VPS50: variants seen among roughly 807,000 people sequenced by gnomAD.
The protein encoded by VPS50 is syndetin.
A neutral mutation model predicts 139.7 loss-of-function variants in VPS50; 70 were observed. The observed-to-expected ratio is 0.50, with a 90% CI of 0.41 to 0.61. The LOEUF (loss-of-function observed/expected upper bound fraction) is 0.61. VPS50 is among the 20% of genes least tolerant of loss of function. VPS50 has a pLI of 0.00. For missense variants in VPS50, 921 were observed against 1,133.7 expected (o/e 0.81, Z 2.69); for synonymous variants, 365 against 376.7 (o/e 0.97, Z 0.36).
chr7:93,315,205 ATATCT>A (rs1229207375), intron 20 of VPS50, among the ~76,000 whole-genome samples: 4 of 152,122 alleles, frequency 2.6e-5, no homozygotes, highest in Non-Finnish European at 5.9e-5. Flanking sequence ...TACACTTAAA[ATATCT>A]TAATGTATTA....
At chr7:93,267,310 C>T (rs919061544) in intron 9 of VPS50, among the ~76,000 whole-genome samples, 1 of 152,124 alleles carries the variant, frequency 6.6e-6, no homozygotes, top group African/African-American at 2.4e-5. Context: ...CTGTCTTTAA[C>T]TCTTACTCAT....
At chr7:93,233,974 A>T (rs1794721318) in intron 1 of VPS50, among the ~76,000 whole-genome samples, 1 of 152,232 alleles carries the variant, frequency 6.6e-6, no homozygotes, top group African/African-American at 2.4e-5. Flanking sequence ...GATGGTGGGA[A>T]AGCAGGAAAA....
chr7:93,334,234 A>G, intron 22 of VPS50, 37 bp downstream of exon 22: 1 of 1,148,918 alleles, frequency 8.7e-7, no homozygotes, highest in East Asian at 2.3e-5. Flanking sequence ...TTTGGATTAT[A>G]TAAAATGGAA....
Position 93,237,211 on chromosome 7 carries a change from C to T in VPS50, c.34-2655C>T, listed in dbSNP as rs565421837. Among the ~76,000 whole-genome samples, 27 of 152,096 alleles carry T rather than the reference C, an allele frequency of 1.8e-4. No individual in the cohort carries two copies. The East Asian group carries it at 5.0e-3, about 28-fold the overall frequency. On this transcript the variant is annotated intron_variant, in intron 1 of 27. Transcript: ENST00000305866. ...GACCTCGTGATCCGCCCGCCTCGGC[C>T]TCCCAAAGTGCTGGGATTACAGGCG...
intron 20 of VPS50, among the ~76,000 whole-genome samples, chr7:93,317,387 TA>T (rs1797459191): frequency 6.6e-6 from 1 of 151,982 alleles, no homozygotes; most frequent in Admixed American, 6.6e-5. Flanking sequence ...TTGTCTCTAC[TA>T]AAAATACAAA....
At chr7:93,312,976 T>G (rs575037725) in intron 20 of VPS50, among the ~76,000 whole-genome samples, 1 of 152,356 alleles carries the variant, frequency 6.6e-6, no homozygotes, top group South Asian at 2.1e-4. Flanking sequence ...AAGCAACTGT[T>G]GGTGCATCAA....
rs141437560 is a variant in VPS50 at position 93,248,218 on chromosome 7, T to C, written c.103-4435T>C. ...ATTATAATTTTTTTCTTAAATCATA[T>C]GTTTAAGTATGGTGTAAGAAGTTCC... On this transcript the variant is annotated intron_variant, in intron 2 of 27. Transcript: ENST00000305866. 9.1e-4 allele frequency among the ~76,000 whole-genome samples: 138 copies of C among 152,096 alleles called. 1 individual carries two copies. Among genetic ancestry groups the C allele is most frequent in the African/African-American group, 3.1e-3 (127 of 41,562 alleles).
intron 18 of VPS50, among the ~76,000 whole-genome samples, chr7:93,307,274 T>G (rs1414697030): frequency 1.3e-5 from 2 of 151,922 alleles, no homozygotes; most frequent in African/African-American, 4.8e-5. Flanking sequence ...ATGAAGCTTA[T>G]CAGACACACA....
At chr7:93,271,190 GA>G (rs759306553) in intron 9 of VPS50, 29 bp from the exon 10 acceptor site, 7 of 1,533,934 alleles carry the variant, frequency 4.6e-6, no homozygotes, top group South Asian at 2.5e-5. Context: ...CTCAGAAATA[GA>G]AAAAAACTGT....
intron 9 of VPS50, among the ~76,000 whole-genome samples, chr7:93,269,543 T>C (rs1795943514): frequency 6.6e-6 from 1 of 152,112 alleles, no homozygotes; most frequent in Non-Finnish European, 1.5e-5. Context: ...GTTTGGACAT[T>C]TATCATTGAG....
At chr7:93,281,291 A>T (rs780776825) in intron 12 of VPS50, among the ~76,000 whole-genome samples, 8 of 152,170 alleles carry the variant, frequency 5.3e-5, no homozygotes, top group Non-Finnish European at 1.2e-4. Context: ...ATTTTTTGGG[A>T]GTCAACCAAT....
intron 8 of VPS50, among the ~76,000 whole-genome samples, chr7:93,259,101 T>G (rs536522754): frequency 6.6e-6 from 1 of 152,170 alleles, no homozygotes; most frequent in East Asian, 1.9e-4. Flanking sequence ...TAATTAGTGT[T>G]TTTTTTCTAA....
intron 14 of VPS50, 30 bp downstream of exon 14, chr7:93,294,666 C>A: frequency 1.3e-6 from 2 of 1,497,038 alleles, no homozygotes; most frequent in Non-Finnish European, 1.8e-6. Context: ...ATTTTTTTCA[C>A]AGAAGCAATA....
chr7:93,245,221 A>T (rs985690185), intron 2 of VPS50, among the ~76,000 whole-genome samples: 1 of 151,784 alleles, frequency 6.6e-6, no homozygotes, highest in Non-Finnish European at 1.5e-5. Context: ...GTTGTTGAGT[A>T]GAGGTTGGGG....
intron 19 of VPS50, among the ~76,000 whole-genome samples, 184 bp downstream of exon 19, chr7:93,309,126 C>T (rs1333822539): frequency 6.6e-6 from 1 of 151,982 alleles, no homozygotes; most frequent in Non-Finnish European, 1.5e-5. Flanking sequence ...TTCCTCTTAA[C>T]ATTTCATAAC....
At chr7:93,264,519 T>A (rs978606775) in intron 9 of VPS50, among the ~76,000 whole-genome samples, 2 of 152,244 alleles carry the variant, frequency 1.3e-5, no homozygotes, top group African/African-American at 4.8e-5. Context: ...TATTATGCAC[T>A]GTAAGGTTTG....
intron 1 of VPS50, among the ~76,000 whole-genome samples, chr7:93,233,715 T>C (rs1365320358): frequency 1.3e-5 from 2 of 152,244 alleles, no homozygotes; most frequent in Admixed American, 1.3e-4. Context: ...TACTACTTCT[T>C]ACTTGACGAT....
chr7:93,257,326 A>G, intron 5 of VPS50, 68 bp from the exon 6 acceptor site: 1 of 888,660 alleles, frequency 1.1e-6, no homozygotes, highest in Admixed American at 2.1e-5. Flanking sequence ...TTTTTGTTAG[A>G]GTACTATATA....
rs1031524122 is a variant in VPS50 at position 93,268,569 on chromosome 7, C to T, written c.660-2651C>T. 1.1e-4 allele frequency among the ~76,000 whole-genome samples: 17 copies of T among 152,092 alleles called. 1 individual carries two copies. On this transcript the variant is annotated intron_variant, in intron 9 of 27. Transcript: ENST00000305866. ...TTCATCTCCCACTTATAAGTTAGAACATGTGGTGTTTGGTTTTCTATTCCT... is the reference window on the plus strand; with the variant it reads ...TTCATCTCCCACTTATAAGTTAGAATATGTGGTGTTTGGTTTTCTATTCCT...
Sources: allele counts gnomAD v4.1 joint callset (sites outside exome capture counted in the v4.1 genomes callset), GRCh38; gene constraint gnomAD v4.1.1; transcripts MANE v1.5; gene names NCBI Gene and HGNC (gene_info 2026-07-23, HGNC 2026-07-21).